The following CNBD1 variants were observed in gnomAD, a reference collection of about 807,000 sequenced individuals.
CNBD1 encodes cyclic nucleotide binding domain containing 1, also known as cyclic nucleotide-binding domain-containing protein 1.
In CNBD1, 71 loss-of-function variants were observed where a neutral mutation model predicts 54.4. That is an observed-to-expected ratio of 1.30 (90% CI 1.08 to 1.59). The LOEUF (loss-of-function observed/expected upper bound fraction) is 1.59. CNBD1 is among the 40% of genes most tolerant of loss of function. CNBD1 has a pLI of 0.00. For missense variants in CNBD1, 659 were observed against 518.0 expected, an observed-to-expected ratio of 1.27 and a Z score of -2.64; for synonymous variants, 182 against 170.7, an observed-to-expected ratio of 1.07 and a Z score of -0.51.
chr8:87,292,940 C>CT (rs548933406), intron 8 of CNBD1, among the ~76,000 whole-genome samples: 8 of 152,030 alleles, frequency 5.3e-5, no homozygotes, highest in Non-Finnish European at 8.8e-5. Context: ...TTTTCTTGCT[C>CT]TATAGTATTG....
chr8:87,316,439 C>T (rs1227548172), intron 8 of CNBD1, among the ~76,000 whole-genome samples: 1 of 151,856 alleles, frequency 6.6e-6, no homozygotes, highest in African/African-American at 2.4e-5. Flanking sequence ...AAACAAGAAT[C>T]TTATGTAATT....
At chr8:86,998,561 A>G (rs1362980073) in intron 4 of CNBD1, among the ~76,000 whole-genome samples, 3 of 152,172 alleles carry the variant, frequency 2.0e-5, no homozygotes, top group Non-Finnish European at 4.4e-5. Flanking sequence ...CCTTCTACCT[A>G]TATCCACAAA....
At position 86,949,072 on chromosome 8, in the gene CNBD1, T is replaced by G. The variant is rs151254223; in HGVS notation, c.431+9318T>G. On this transcript the variant is annotated intron_variant, in intron 4 of 10. Coordinates refer to ENST00000518476, the MANE Select transcript of CNBD1 (RefSeq NM_173538.3). The stretch of plus-strand genomic sequence containing the variant: ...ATGAGCTCACTGTATATATATGGAT[T>G]TATTTGTGGGTTCTCTGTTCTGTTT... Among the ~76,000 whole-genome samples, 12 of 152,274 alleles carry G rather than the reference T, an allele frequency of 7.9e-5. No individual in the cohort carries two copies. In the East Asian group the frequency reaches 2.1e-3, roughly 27 times the overall value.
chr8:87,234,996 G>T (rs1254098562), intron 5 of CNBD1, among the ~76,000 whole-genome samples: 1 of 152,150 alleles, frequency 6.6e-6, no homozygotes, highest in East Asian at 1.9e-4. Flanking sequence ...ATCAGCACTT[G>T]CTGTTTCACC....
At chr8:87,327,389 G>A (rs576963805) in intron 8 of CNBD1, among the ~76,000 whole-genome samples, 15 of 151,828 alleles carry the variant, frequency 9.9e-5, no homozygotes, top group African/African-American at 2.7e-4. Context: ...AATGGTGGGC[G>A]CCCCTCCCCC....
chr8:86,899,943 C>A (rs1215176212), intron 2 of CNBD1, among the ~76,000 whole-genome samples: 1 of 152,144 alleles, frequency 6.6e-6, no homozygotes. Flanking sequence ...GTATCAGTGA[C>A]TGCCTTCAGC....
At chr8:86,993,033 G>T (rs781663694) in intron 4 of CNBD1, among the ~76,000 whole-genome samples, 1 of 152,092 alleles carries the variant, frequency 6.6e-6, no homozygotes, top group African/African-American at 2.4e-5. Context: ...CATGGACCAT[G>T]TCTTCAAATA....
At chr8:87,180,081 A>C (rs1194636678) in intron 4 of CNBD1, among the ~76,000 whole-genome samples, 2 of 152,210 alleles carry the variant, frequency 1.3e-5, no homozygotes, top group African/African-American at 4.8e-5. Flanking sequence ...ACGAAGTGAA[A>C]ACTTAAATTT....
chr8:87,360,752 G>A (rs79998102), intron 10 of CNBD1, among the ~76,000 whole-genome samples: 2,840 of 151,860 alleles, frequency 0.019, 88 homozygotes, highest in African/African-American at 0.062. Context: ...TAGCTAATGT[G>A]CTTAATTTGC....
intron 4 of CNBD1, among the ~76,000 whole-genome samples, chr8:87,114,432 C>G (rs760118885): frequency 1.3e-5 from 2 of 152,152 alleles, no homozygotes; most frequent in Non-Finnish European, 2.9e-5. Context: ...CTCACTACAA[C>G]CTCCGCCTCC....
chr8:86,979,744 A>G (rs573483442), intron 4 of CNBD1, among the ~76,000 whole-genome samples: 1 of 152,294 alleles, frequency 6.6e-6, no homozygotes, highest in Admixed American at 6.5e-5. Flanking sequence ...GAAGTCCCAT[A>G]AGGTATGTTC....
chr8:87,269,797 C>G (rs567540672), intron 6 of CNBD1, among the ~76,000 whole-genome samples: 2 of 152,066 alleles, frequency 1.3e-5, no homozygotes, highest in African/African-American at 4.8e-5. Context: ...AAAAATAGTC[C>G]TGGACCAGAT....
intron 6 of CNBD1, among the ~76,000 whole-genome samples, chr8:87,257,743 A>G (rs1173205079): frequency 6.6e-6 from 1 of 152,136 alleles, no homozygotes; most frequent in Non-Finnish European, 1.5e-5. Context: ...GGGTTATCAC[A>G]GGTAATTTGA....
chr8:87,079,487 G>T (rs1810943809), intron 4 of CNBD1, among the ~76,000 whole-genome samples: 1 of 151,984 alleles, frequency 6.6e-6, no homozygotes, highest in East Asian at 1.9e-4. Flanking sequence ...ACTTAGTATT[G>T]TCAGTCTTTT....
At chr8:87,315,731 G>A (rs912239537) in intron 8 of CNBD1, among the ~76,000 whole-genome samples, 1 of 152,078 alleles carries the variant, frequency 6.6e-6, no homozygotes, top group African/African-American at 2.4e-5. Context: ...AGCTGGGAAT[G>A]TAGGTTGGTT....
chr8:87,052,235 C>A (rs1044393285), intron 4 of CNBD1, among the ~76,000 whole-genome samples: 4 of 152,194 alleles, frequency 2.6e-5, no homozygotes, highest in African/African-American at 9.6e-5. Context: ...GGAGATTTTT[C>A]TGAGGTGCTA....
chr8:86,944,385 G>T (rs1298075633), intron 4 of CNBD1, among the ~76,000 whole-genome samples: 1 of 152,178 alleles, frequency 6.6e-6, no homozygotes, highest in East Asian at 1.9e-4. Context: ...AAACACATAT[G>T]TATTCTGTCA....
intron 2 of CNBD1, among the ~76,000 whole-genome samples, chr8:87,405,972 C>T (rs1807645495): frequency 6.6e-6 from 1 of 152,096 alleles, no homozygotes; most frequent in Non-Finnish European, 1.5e-5. Context: ...CATCCAGTGA[C>T]AAGTTGAAAT....
intron 4 of CNBD1, among the ~76,000 whole-genome samples, chr8:87,054,332 C>T (rs1275342083): frequency 6.6e-6 from 1 of 152,206 alleles, no homozygotes; most frequent in East Asian, 1.9e-4. Flanking sequence ...CATAGAGAGA[C>T]TGTCTAGTTA....
Sources: gnomAD v4.1 joint callset for allele counts (sites outside exome capture counted in the v4.1 genomes callset) on GRCh38, gnomAD v4.1.1 for gene constraint, MANE v1.5 for transcripts, NCBI Gene and HGNC (gene_info 2026-07-23, HGNC 2026-07-21) for gene names.